The following SEMA3D variants were observed in gnomAD, a reference collection of about 807,000 sequenced individuals.
SEMA3D encodes the protein semaphorin-3D.
In SEMA3D, 84 loss-of-function variants were observed where a neutral mutation model predicts 100.1. The ratio of observed to expected loss-of-function variants is 0.84; its 90% CI spans 0.70 to 1.01. The LOEUF (loss-of-function observed/expected upper bound fraction) is 1.01, where lower values mean the gene tolerates loss of function less well. Ranked by LOEUF, SEMA3D falls within the 50% of genes least tolerant of loss-of-function variation. SEMA3D has a pLI of 0.00. For synonymous variants in SEMA3D, 312 were observed against 320.7 expected (o/e 0.97, Z 0.29); for missense variants, 875 against 934.1 (o/e 0.94, Z 0.82).
intron 1 of SEMA3D, among the ~76,000 whole-genome samples, chr7:85,165,180 C>A (rs548248874): frequency 6.6e-6 from 1 of 151,038 alleles, no homozygotes; most frequent in East Asian, 2.0e-4. Flanking sequence ...CGAACCTGCA[C>A]GTTGTGCACA....
intron 2 of SEMA3D, chr7:85,144,789 T>G (rs1790155713): frequency 2.3e-6 from 1 of 442,536 alleles, no homozygotes; most frequent in Non-Finnish European, 3.0e-6. Context: ...TGATTAGGAT[T>G]TATTATATAT....
the SEMA3D span, among the ~76,000 whole-genome samples, chr7:85,207,056 G>GT: frequency 6.6e-6 from 1 of 152,038 alleles, no homozygotes; most frequent in South Asian, 2.1e-4. Flanking sequence ...TGGAAAATCA[G>GT]TAATTGTTAC....
chr7:85,057,838 C>T (rs1372328750), intron 8 of SEMA3D, among the ~76,000 whole-genome samples: 2 of 151,882 alleles, frequency 1.3e-5, no homozygotes, highest in East Asian at 3.9e-4. Flanking sequence ...GGCTGAGGCA[C>T]GAGAATCCCT....
At chr7:85,167,189 C>A in intron 1 of SEMA3D, 2 of 753,294 alleles carry the variant, frequency 2.7e-6, no homozygotes, top group Non-Finnish European at 3.2e-6. Context: ...ATATCAACTA[C>A]ATTGAAATGT....
Position 85,066,913 on chromosome 7 carries a change from C to CACACAG in SEMA3D, c.589+1277_589+1278insCTGTGT. ...GCGCTCACACACACACACACACACA[C>CACACAG]AGAGAGAGAGAGAGAGAGAGAGAGA... is the stretch of plus-strand genomic sequence containing the variant. On this transcript the variant is annotated intron_variant, in intron 7 of 18. Transcript: ENST00000284136. Among the ~76,000 whole-genome samples the CACACAG allele has an allele frequency of 8.6e-5, 11 of 127,822 alleles. No individual in the cohort carries two copies. The South Asian group carries it at 9.6e-4, about 11-fold the overall frequency. 83.9% of individuals were successfully genotyped at this position (127,822 alleles called of 152,430 possible). A position where few individuals can be genotyped will look rare whatever the true frequency, so the allele number is the denominator to read the frequency against.
At chr7:85,055,916 G>A (rs1280324318) in intron 8 of SEMA3D, 57 bp from the exon 9 acceptor site, 3 of 951,934 alleles carry the variant, frequency 3.2e-6, no homozygotes, top group Non-Finnish European at 4.6e-6. Flanking sequence ...AGTCATCATA[G>A]TTTGATGATA....
intron 1 of SEMA3D, among the ~76,000 whole-genome samples, chr7:85,164,013 A>ACATT (rs1790821795): frequency 1.3e-5 from 2 of 152,162 alleles, no homozygotes; most frequent in African/African-American, 2.4e-5. Context: ...TTACTATGAA[A>ACATT]TAAACTCTAC....
At chr7:85,164,660 T>G (rs1295868642) in intron 1 of SEMA3D, among the ~76,000 whole-genome samples, 1 of 152,132 alleles carries the variant, frequency 6.6e-6, no homozygotes, top group Non-Finnish European at 1.5e-5. Context: ...TGTTGTAGTT[T>G]ATTGAAAGAC....
At chr7:85,217,201 T>C in the SEMA3D span, among the ~76,000 whole-genome samples, 3 of 152,100 alleles carry the variant, frequency 2.0e-5, no homozygotes, top group Admixed American at 6.6e-5. Context: ...GCTTATTACA[T>C]AGAGGCCTTC....
At chr7:85,068,612 A>G (rs532258188) in intron 6 of SEMA3D, among the ~76,000 whole-genome samples, 1 of 152,296 alleles carries the variant, frequency 6.6e-6, no homozygotes, top group African/African-American at 2.4e-5. Context: ...TTGAGCTTTC[A>G]TGACTAACTT....
At chr7:85,010,797 G>A (rs1436019148) in intron 17 of SEMA3D, among the ~76,000 whole-genome samples, 1 of 151,744 alleles carries the variant, frequency 6.6e-6, no homozygotes, top group Middle Eastern at 3.2e-3. Flanking sequence ...TGTCTGGTAC[G>A]TAAGGGTGAG....
At chr7:85,149,779 C>A (rs1790314933) in intron 2 of SEMA3D, among the ~76,000 whole-genome samples, 1 of 152,156 alleles carries the variant, frequency 6.6e-6, no homozygotes, top group Non-Finnish European at 1.5e-5. Context: ...TAGTCTAACA[C>A]TGTGATTCCA....
chr7:85,070,655 T>C (rs1407804423), intron 6 of SEMA3D, among the ~76,000 whole-genome samples: 2 of 152,210 alleles, frequency 1.3e-5, no homozygotes, highest in East Asian at 3.8e-4. Flanking sequence ...CAAGGTTCAA[T>C]GCCCCTGTTT....
At chr7:85,067,583 T>G (rs546174521) in intron 7 of SEMA3D, among the ~76,000 whole-genome samples, 51 of 152,294 alleles carry the variant, frequency 3.3e-4, no homozygotes, top group African/African-American at 1.2e-3. Flanking sequence ...TGGTTGAAAT[T>G]CAGAAGTCTT....
At chr7:85,183,814 A>G (rs1455893977) in intron 1 of SEMA3D, among the ~76,000 whole-genome samples, 1 of 152,224 alleles carries the variant, frequency 6.6e-6, no homozygotes, top group Non-Finnish European at 1.5e-5. Context: ...GAACATCAAC[A>G]GGAAAGTAAC....
intron 1 of SEMA3D, chr7:85,167,208 G>C: frequency 1.1e-6 from 1 of 900,240 alleles, no homozygotes; most frequent in Admixed American, 6.2e-5. Context: ...GTCAAGAGTT[G>C]AAATGTTATA....
chr7:85,016,527 C>T (rs972880110), intron 15 of SEMA3D, among the ~76,000 whole-genome samples: 2 of 151,482 alleles, frequency 1.3e-5, no homozygotes, highest in Admixed American at 1.3e-4. Context: ...ACAGAATTTT[C>T]TAATCTATTT....
chr7:85,017,550 C>T (rs1433194146), intron 15 of SEMA3D, among the ~76,000 whole-genome samples: 1 of 151,592 alleles, frequency 6.6e-6, no homozygotes, highest in Admixed American at 6.6e-5. Context: ...TTTAGCAACA[C>T]CTTGATGTTG....
chr7:85,029,531 T>A, intron 12 of SEMA3D: 1 of 593,374 alleles, frequency 1.7e-6, no homozygotes, highest in South Asian at 1.7e-5. Flanking sequence ...AAGGAAGAAT[T>A]TGAACATGCA....
Sources: allele counts gnomAD v4.1 joint callset (sites outside exome capture counted in the v4.1 genomes callset), GRCh38; gene constraint gnomAD v4.1.1; transcripts MANE v1.5; gene names NCBI Gene and HGNC (gene_info 2026-07-23, HGNC 2026-07-21).